COX7B2: variants seen among roughly 807,000 people sequenced by gnomAD.
COX7B2 encodes the protein cytochrome c oxidase subunit 7B2, mitochondrial.
For synonymous variants in COX7B2, 37 were observed against 32.1 expected (o/e 1.15, Z -0.51); for missense variants, 109 against 95.9 (o/e 1.14, Z -0.57).
chr4:46,761,498 AAG>A (rs1393167653), intron 2 of COX7B2, among the ~76,000 whole-genome samples: 1 of 152,174 alleles, frequency 6.6e-6, no homozygotes, highest in East Asian at 1.9e-4. Flanking sequence ...GGGCAGGTGA[AAG>A]AGCTGAACTG....
chr4:46,784,586 T>C (rs1000529832), intron 2 of COX7B2, among the ~76,000 whole-genome samples: 3 of 152,086 alleles, frequency 2.0e-5, no homozygotes, highest in Non-Finnish European at 2.9e-5. Context: ...GATAGCACCA[T>C]TGCACTCTAG....
chr4:46,819,667 C>A (rs927724250), intron 2 of COX7B2, among the ~76,000 whole-genome samples: 6 of 152,056 alleles, frequency 3.9e-5, no homozygotes, highest in Non-Finnish European at 7.3e-5. Context: ...AAGGGTTAGA[C>A]AAGCTTGTGT....
chr4:46,790,560 A>G (rs1717986006), intron 2 of COX7B2, among the ~76,000 whole-genome samples: 1 of 152,148 alleles, frequency 6.6e-6, no homozygotes, highest in South Asian at 2.1e-4. Context: ...TCTTTCACCT[A>G]AGATAAAGAC....
intron 2 of COX7B2, among the ~76,000 whole-genome samples, chr4:46,752,020 T>C (rs190024992): frequency 1.4e-3 from 214 of 152,296 alleles, no homozygotes; most frequent in African/African-American, 4.7e-3. Context: ...GTATGGCTAT[T>C]TTCATGATAT....
At chr4:46,773,630 T>C (rs1427680793) in intron 2 of COX7B2, among the ~76,000 whole-genome samples, 1 of 152,118 alleles carries the variant, frequency 6.6e-6, no homozygotes, top group Non-Finnish European at 1.5e-5. Flanking sequence ...ATAAGCTATA[T>C]TAAAAACCAT....
chr4:46,772,575 C>A (rs968885151), intron 2 of COX7B2, among the ~76,000 whole-genome samples: 1 of 151,712 alleles, frequency 6.6e-6, no homozygotes, highest in African/African-American at 2.4e-5. Flanking sequence ...ATTTTTATTT[C>A]TTATGTATAC....
chr4:46,748,540 A>G (rs1715160504), intron 2 of COX7B2, among the ~76,000 whole-genome samples: 1 of 152,168 alleles, frequency 6.6e-6, no homozygotes. Flanking sequence ...CTGAACTTCC[A>G]GTCACTCTTC....
chr4:46,875,184 T>C (rs1478024325), intron 1 of COX7B2, among the ~76,000 whole-genome samples: 4 of 152,332 alleles, frequency 2.6e-5, no homozygotes, highest in Admixed American at 2.0e-4. Context: ...GCTTTTTAAA[T>C]AGGAATTTTG....
chr4:46,802,976 A>G (rs1718738448), intron 2 of COX7B2, among the ~76,000 whole-genome samples: 1 of 152,176 alleles, frequency 6.6e-6, no homozygotes, highest in Non-Finnish European at 1.5e-5. Flanking sequence ...ACTCCCAAAT[A>G]CACGGTAAGA....
At chr4:46,760,272 G>A (rs1716068553) in intron 2 of COX7B2, among the ~76,000 whole-genome samples, 1 of 152,060 alleles carries the variant, frequency 6.6e-6, no homozygotes, top group South Asian at 2.1e-4. Flanking sequence ...GTTTATTGCA[G>A]CCCTTTTCAC....
intron 2 of COX7B2, among the ~76,000 whole-genome samples, chr4:46,761,161 G>A (rs373245662): frequency 1.3e-5 from 2 of 152,134 alleles, no homozygotes; most frequent in Admixed American, 6.6e-5. Flanking sequence ...ATCTCAATTA[G>A]AGCATTTTTA....
At chr4:46,810,901 G>A (rs1719253572) in intron 2 of COX7B2, among the ~76,000 whole-genome samples, 1 of 152,120 alleles carries the variant, frequency 6.6e-6, no homozygotes, top group African/African-American at 2.4e-5. Context: ...CTGAAAGACA[G>A]CTTTGCTAGG....
chr4:46,813,692 T>C (rs2109669477), intron 2 of COX7B2, among the ~76,000 whole-genome samples: 1 of 152,258 alleles, frequency 6.6e-6, no homozygotes, highest in African/African-American at 2.4e-5. Context: ...CTGCACATTC[T>C]GCATGTGTAT....
chr4:46,908,807 C>G (rs186796791), intron 1 of COX7B2, among the ~76,000 whole-genome samples: 5 of 150,122 alleles, frequency 3.3e-5, no homozygotes, highest in Non-Finnish European at 1.5e-5. Flanking sequence ...TTTGGGAGGC[C>G]GAGGCGGGTG....
chr4:46,889,407 AT>A (rs899638001), intron 1 of COX7B2, among the ~76,000 whole-genome samples: 1 of 152,206 alleles, frequency 6.6e-6, no homozygotes, highest in Admixed American at 6.5e-5. Context: ...ACAATACTAC[AT>A]TCTTCTTCAA....
chr4:46,800,509 C>T (rs75177238), intron 2 of COX7B2, among the ~76,000 whole-genome samples: 2 of 152,168 alleles, frequency 1.3e-5, no homozygotes, highest in African/African-American at 4.8e-5. Context: ...GCAGAAAGGG[C>T]ACCCTATTCG....
intron 2 of COX7B2, among the ~76,000 whole-genome samples, chr4:46,789,435 T>TAACACTGTTTATTTAATAA (rs1717921513): frequency 1.3e-5 from 2 of 152,166 alleles, no homozygotes; most frequent in Non-Finnish European, 2.9e-5. Flanking sequence ...CTAGGAATAT[T>TAACACTGTTTATTTAATAA]AACACTGTTT....
Position 46,781,938 on chromosome 4 carries a change from C to A in COX7B2, c.-49-46697G>T, listed in dbSNP as rs574171882. On this transcript the variant is annotated intron_variant, in intron 2 of 2. Transcript: ENST00000355591. ...TGCAGCCCTCCATGCTCAAGCACCCCCCATCCCGCCCGGAGGGCTCCTGTG... is the reference window on the plus strand; with the variant it reads ...TGCAGCCCTCCATGCTCAAGCACCCACCATCCCGCCCGGAGGGCTCCTGTG... Among the ~76,000 whole-genome samples the A allele has an allele frequency of 7.9e-5, 12 of 152,320 alleles. No individual in the cohort carries two copies. In the South Asian group the frequency reaches 2.3e-3, roughly 29 times the overall value.
intron 2 of COX7B2, among the ~76,000 whole-genome samples, chr4:46,773,816 C>T (rs1577689151): frequency 6.6e-6 from 1 of 152,038 alleles, no homozygotes; most frequent in East Asian, 1.9e-4. Context: ...GACCTGGGGG[C>T]TATCTTTAGT....
Sources: allele counts gnomAD v4.1 joint callset (sites outside exome capture counted in the v4.1 genomes callset), GRCh38; gene constraint gnomAD v4.1.1; transcripts MANE v1.5; gene names NCBI Gene and HGNC (gene_info 2026-07-23, HGNC 2026-07-21).